LYPLAL1: variants seen among roughly 807,000 people sequenced by gnomAD.
The protein encoded by LYPLAL1 is lysophospholipase like 1.
LYPLAL1 carries 23 observed loss-of-function variants against 19.7 expected under a neutral mutation model. That is an observed-to-expected ratio of 1.17 (90% CI 0.84 to 1.65). The LOEUF (loss-of-function observed/expected upper bound fraction) is 1.65, where lower values mean the gene tolerates loss of function less well. Among genes scored for constraint, LYPLAL1 ranks in the 40% most tolerant of loss-of-function variants. The probability of loss-of-function intolerance (pLI) is 0.00; values close to 1 mark genes in which losing one functional copy is unlikely to be tolerated. For missense variants in LYPLAL1, 355 were observed against 279.4 expected (o/e 1.27, Z -1.93); for synonymous variants, 119 against 96.3 (o/e 1.24, Z -1.38).
chr1:219,353,198 C>G, the LYPLAL1 span, among the ~76,000 whole-genome samples: 1 of 152,140 alleles, frequency 6.6e-6, no homozygotes, highest in Non-Finnish European at 1.5e-5. Flanking sequence ...CAAAGCAGAT[C>G]ATGTTGGTCT....
At chr1:219,210,186 T>G (rs1658896334) in intron 3 of LYPLAL1, among the ~76,000 whole-genome samples, 1 of 152,156 alleles carries the variant, frequency 6.6e-6, no homozygotes, top group Non-Finnish European at 1.5e-5. Context: ...GTGTGAGGGT[T>G]TCTGTACGTG....
the LYPLAL1 span, among the ~76,000 whole-genome samples, chr1:219,243,834 G>A: frequency 4.6e-5 from 7 of 150,666 alleles, no homozygotes; most frequent in Non-Finnish European, 5.9e-5. Context: ...CAGGAGAATC[G>A]CTTGAACCTG....
At chr1:219,285,189 G>A in the LYPLAL1 span, among the ~76,000 whole-genome samples, 692 of 152,294 alleles carry the variant, frequency 4.5e-3, 3 homozygotes, top group Non-Finnish European at 6.4e-3. Context: ...CAACTTTATC[G>A]ATAAAGCACT....
At chr1:219,279,027 C>T in the LYPLAL1 span, among the ~76,000 whole-genome samples, 47 of 152,262 alleles carry the variant, frequency 3.1e-4, no homozygotes, top group African/African-American at 1.0e-3. Context: ...AAAAGAGGTA[C>T]AGCCTTGTAG....
the LYPLAL1 span, among the ~76,000 whole-genome samples, chr1:219,375,334 C>T: frequency 1.8e-4 from 28 of 151,752 alleles, no homozygotes; most frequent in African/African-American, 5.3e-4. Flanking sequence ...GGCGTGGTGG[C>T]GCATGCCTGC....
At chr1:219,329,818 A>ACT in the LYPLAL1 span, among the ~76,000 whole-genome samples, 1 of 152,180 alleles carries the variant, frequency 6.6e-6, no homozygotes, top group East Asian at 1.9e-4. Context: ...AAAGGCTGTG[A>ACT]CTGCTGCAGG....
downstream of LYPLAL1, among the ~76,000 whole-genome samples, chr1:219,216,902 G>T (rs1659310551): frequency 6.6e-6 from 1 of 152,078 alleles, no homozygotes; most frequent in African/African-American, 2.4e-5. Flanking sequence ...GTCCTGTGCT[G>T]CCAGAGTACA....
chr1:219,398,567 T>C, the LYPLAL1 span, among the ~76,000 whole-genome samples: 1 of 152,326 alleles, frequency 6.6e-6, no homozygotes, highest in African/African-American at 2.4e-5. Flanking sequence ...TTCAGCCACC[T>C]CAGCACAGTT....
chr1:219,351,609 T>C, the LYPLAL1 span, among the ~76,000 whole-genome samples: 1 of 152,054 alleles, frequency 6.6e-6, no homozygotes, highest in Non-Finnish European at 1.5e-5. Context: ...GCGAATGTTC[T>C]TATAAGGGAA....
chr1:219,378,224 G>A, the LYPLAL1 span, among the ~76,000 whole-genome samples: 4 of 152,152 alleles, frequency 2.6e-5, no homozygotes, highest in African/African-American at 7.2e-5. Context: ...ATTCATAAAG[G>A]GAAAAGGTTT....
chr1:219,228,961 G>A, the LYPLAL1 span, among the ~76,000 whole-genome samples: 1 of 151,962 alleles, frequency 6.6e-6, no homozygotes, highest in African/African-American at 2.4e-5. Context: ...TTACAGACGT[G>A]AACCACTGCG....
the LYPLAL1 span, among the ~76,000 whole-genome samples, chr1:219,274,804 C>T: frequency 2.0e-5 from 3 of 152,280 alleles, no homozygotes; most frequent in South Asian, 4.1e-4. Flanking sequence ...ATGGATTTTC[C>T]TGACATTATC....
the LYPLAL1 span, among the ~76,000 whole-genome samples, chr1:219,363,481 C>T: frequency 1.3e-5 from 2 of 152,018 alleles, no homozygotes; most frequent in Non-Finnish European, 1.5e-5. Context: ...TTTGACATAG[C>T]TATTAAAAAC....
chr1:219,373,875 A>AC, the LYPLAL1 span, among the ~76,000 whole-genome samples: 3 of 22,534 alleles, frequency 1.3e-4, no homozygotes, highest in Non-Finnish European at 3.7e-4. Context: ...AAAAAAAAAA[A>AC]AAAAAACAAA....
At chr1:219,422,125 C>T in the LYPLAL1 span, among the ~76,000 whole-genome samples, 1 of 152,112 alleles carries the variant, frequency 6.6e-6, no homozygotes, top group African/African-American at 2.4e-5. Flanking sequence ...TTATTAGTAC[C>T]ATGGTGAACA....
At chr1:219,204,099 A>C (rs1013243072) in intron 3 of LYPLAL1, among the ~76,000 whole-genome samples, 4 of 152,206 alleles carry the variant, frequency 2.6e-5, no homozygotes, top group African/African-American at 9.6e-5. Context: ...CCTTGGAGAC[A>C]TTCATGGATC....
chr1:219,322,159 A>T, the LYPLAL1 span, among the ~76,000 whole-genome samples: 1 of 152,200 alleles, frequency 6.6e-6, no homozygotes, highest in Non-Finnish European at 1.5e-5. Context: ...CCCTCAGTAC[A>T]ATTATGGCCA....
At chr1:219,279,850 C>A in the LYPLAL1 span, among the ~76,000 whole-genome samples, 33 of 151,862 alleles carry the variant, frequency 2.2e-4, no homozygotes, top group African/African-American at 7.7e-4. Context: ...TTTAGCCAGT[C>A]ATATTTTAAT....
chr1:219,316,592 G>A, the LYPLAL1 span, among the ~76,000 whole-genome samples: 1 of 152,142 alleles, frequency 6.6e-6, no homozygotes, highest in Non-Finnish European at 1.5e-5. Context: ...GTTACGAGAT[G>A]TTTGTCCATA....
Sources: allele counts gnomAD v4.1 joint callset (sites outside exome capture counted in the v4.1 genomes callset), GRCh38; gene constraint gnomAD v4.1.1; transcripts MANE v1.5; gene names NCBI Gene and HGNC (gene_info 2026-07-23, HGNC 2026-07-21).